The following HCN1 variants were observed in gnomAD, a reference collection of about 807,000 sequenced individuals.
HCN1 encodes the protein hyperpolarization activated cyclic nucleotide gated potassium channel 1.
Under a neutral mutation model 78.9 loss-of-function variants are expected in HCN1, and 13 were observed. The observed-to-expected ratio is 0.16, with a 90% CI of 0.11 to 0.26. The LOEUF (loss-of-function observed/expected upper bound fraction) is 0.26. HCN1 is among the 10% of genes least tolerant of loss of function. HCN1 has a pLI of 1.00. For synonymous variants in HCN1, 552 were observed against 455.5 expected, an observed-to-expected ratio of 1.21 and a Z score of -2.70; for missense variants, 810 against 1,154.3, an observed-to-expected ratio of 0.70 and a Z score of 4.32.
intron 3 of HCN1, among the ~76,000 whole-genome samples, chr5:45,427,916 A>G (rs964720633): frequency 1.3e-5 from 2 of 152,038 alleles, no homozygotes; most frequent in African/African-American, 4.8e-5. Flanking sequence ...TCCATTTTCA[A>G]AATTTTAGAG....
intron 2 of HCN1, 59 bp from the exon 3 acceptor site, chr5:45,462,066 A>G: frequency 7.5e-7 from 1 of 1,327,960 alleles, no homozygotes. Flanking sequence ...AATCAAGCAT[A>G]CTACTGATAG....
intron 2 of HCN1, among the ~76,000 whole-genome samples, chr5:45,501,249 C>T (rs1459764055): frequency 6.6e-6 from 1 of 151,988 alleles, no homozygotes; most frequent in Non-Finnish European, 1.5e-5. Context: ...TTTTATTTAT[C>T]ATTATATCTC....
intron 3 of HCN1, among the ~76,000 whole-genome samples, chr5:45,430,720 G>A (rs771178339): frequency 2.6e-5 from 4 of 152,022 alleles, no homozygotes; most frequent in Non-Finnish European, 5.9e-5. Context: ...TACTCAGGAG[G>A]CTGAGGCAGG....
At chr5:45,648,498 G>A (rs1269863767) in intron 1 of HCN1, among the ~76,000 whole-genome samples, 2 of 151,940 alleles carry the variant, frequency 1.3e-5, no homozygotes, top group Non-Finnish European at 2.9e-5. Context: ...GCTTTTATAT[G>A]CTTACATAAT....
chr5:45,326,193 T>C (rs1746230427), intron 5 of HCN1, among the ~76,000 whole-genome samples: 1 of 151,638 alleles, frequency 6.6e-6, no homozygotes, highest in East Asian at 1.9e-4. Flanking sequence ...ACATCTCATG[T>C]ACCCCATAAA....
rs73099431 is a variant in HCN1 at position 45,273,060 on chromosome 5, G to T, written c.1619-5807C>A. 5.2e-3 allele frequency among the ~76,000 whole-genome samples: 788 copies of T among 151,986 alleles called. 11 individuals are homozygous for T. Among genetic ancestry groups the T allele is most frequent in the African/African-American group, 0.019 (778 of 41,478 alleles). On this transcript the variant is annotated intron_variant, in intron 6 of 7. Transcript: ENST00000303230. ...AAGAATCTTAGTGCAAATTTACTTG[G>T]GTAATAGGTCCCTTCATCTGGATGC...
intron 3 of HCN1, among the ~76,000 whole-genome samples, chr5:45,406,244 C>T (rs1310101848): frequency 6.6e-6 from 1 of 151,932 alleles, no homozygotes. Context: ...TATGGGGTAC[C>T]TCTTTGTTAA....
At chr5:45,380,289 A>G (rs1334015429) in intron 4 of HCN1, among the ~76,000 whole-genome samples, 1 of 152,062 alleles carries the variant, frequency 6.6e-6, no homozygotes, top group Non-Finnish European at 1.5e-5. Context: ...TAAGGGTGTT[A>G]ATGCCATTTA....
At chr5:45,270,291 T>C (rs1363256726) in intron 6 of HCN1, among the ~76,000 whole-genome samples, 5 of 152,238 alleles carry the variant, frequency 3.3e-5, no homozygotes, top group Admixed American at 6.5e-5. Flanking sequence ...TCTGGCATTT[T>C]ATTATCAGAA....
At chr5:45,345,083 T>A (rs949571456) in intron 5 of HCN1, among the ~76,000 whole-genome samples, 1 of 152,176 alleles carries the variant, frequency 6.6e-6, no homozygotes, top group African/African-American at 2.4e-5. Context: ...TTCTTGACTT[T>A]TGTGACCCCC....
chr5:45,593,216 A>G (rs201119979), intron 2 of HCN1, among the ~76,000 whole-genome samples: 234 of 45,862 alleles, frequency 5.1e-3, no homozygotes, highest in Middle Eastern at 0.017. Context: ...GCACGCGCAC[A>G]CACACACACA....
chr5:45,368,564 C>A (rs969826896), intron 4 of HCN1, among the ~76,000 whole-genome samples: 2 of 151,786 alleles, frequency 1.3e-5, no homozygotes, highest in African/African-American at 2.4e-5. Context: ...CTGGTAAGAC[C>A]TAAATATGTA....
At chr5:45,348,547 C>T (rs1247462981) in intron 5 of HCN1, among the ~76,000 whole-genome samples, 3 of 152,104 alleles carry the variant, frequency 2.0e-5, no homozygotes, top group African/African-American at 4.8e-5. Context: ...GGACTAAATG[C>T]TCCAATTAAA....
intron 4 of HCN1, among the ~76,000 whole-genome samples, chr5:45,391,114 G>A (rs995521207): frequency 2.0e-5 from 3 of 152,098 alleles, no homozygotes; most frequent in Non-Finnish European, 4.4e-5. Flanking sequence ...CTATGTGGGA[G>A]TTGTACTCAA....
chr5:45,564,723 A>C (rs946799459), intron 2 of HCN1, among the ~76,000 whole-genome samples: 2 of 152,176 alleles, frequency 1.3e-5, no homozygotes, highest in Non-Finnish European at 2.9e-5. Flanking sequence ...TATTAACATA[A>C]GCTTTCCATA....
intron 4 of HCN1, among the ~76,000 whole-genome samples, chr5:45,374,270 T>TATTATGTAC (rs1747543844): frequency 8.8e-6 from 1 of 114,012 alleles, no homozygotes; most frequent in African/African-American, 3.9e-5. Context: ...ATAACATATA[T>TATTATGTAC]ATTATATACA....
intron 4 of HCN1, among the ~76,000 whole-genome samples, chr5:45,375,483 T>C (rs1454253813): frequency 2.4e-5 from 2 of 83,540 alleles, no homozygotes; most frequent in African/African-American, 1.3e-4. Context: ...GATCATATTT[T>C]ATGATACATA....
chr5:45,397,816 T>G (rs886524801), intron 3 of HCN1, among the ~76,000 whole-genome samples: 6 of 151,702 alleles, frequency 4.0e-5, no homozygotes, highest in African/African-American at 1.4e-4. Context: ...TGTGATATTT[T>G]GATTGGTCAT....
chr5:45,415,663 T>C (rs931039516), intron 3 of HCN1, among the ~76,000 whole-genome samples: 1 of 152,030 alleles, frequency 6.6e-6, no homozygotes, highest in African/African-American at 2.4e-5. Context: ...AGATCGACCT[T>C]CATCCCTTCA....
Sources: allele counts gnomAD v4.1 joint callset (sites outside exome capture counted in the v4.1 genomes callset), GRCh38; gene constraint gnomAD v4.1.1; transcripts MANE v1.5; gene names NCBI Gene and HGNC (gene_info 2026-07-23, HGNC 2026-07-21).